Variants in PLXDC2 observed in about 807,000 individuals in gnomAD.
The protein encoded by PLXDC2 is plexin domain containing 2.
Under a neutral mutation model 68.9 loss-of-function variants are expected in PLXDC2, and 40 were observed. That is an observed-to-expected ratio of 0.58 (90% confidence interval 0.45 to 0.76). The LOEUF (loss-of-function observed/expected upper bound fraction) is 0.76, where lower values mean the gene tolerates loss of function less well. Ranked by LOEUF, PLXDC2 falls within the 30% of genes least tolerant of loss-of-function variation. The probability of loss-of-function intolerance (pLI) is 0.00; values close to 1 mark genes in which losing one functional copy is unlikely to be tolerated. For synonymous variants in PLXDC2, 243 were observed against 234.2 expected, an observed-to-expected ratio of 1.04 and a Z score of -0.34; for missense variants, 644 against 661.9, an observed-to-expected ratio of 0.97 and a Z score of 0.30.
chr10:20,035,723 A>T (rs1488323516), intron 2 of PLXDC2, among the ~76,000 whole-genome samples: 2 of 152,102 alleles, frequency 1.3e-5, no homozygotes, highest in Non-Finnish European at 2.9e-5. Flanking sequence ...ATTTTAAAAA[A>T]GTATATGTTT....
chr10:20,046,053 G>GA, intron 2 of PLXDC2, among the ~76,000 whole-genome samples: 1 of 152,040 alleles, frequency 6.6e-6, no homozygotes. Context: ...CAAATTAAAG[G>GA]AAAAAATATA....
intron 1 of PLXDC2, among the ~76,000 whole-genome samples, chr10:19,971,519 C>A (rs1265619843): frequency 6.6e-6 from 1 of 151,836 alleles, no homozygotes; most frequent in African/African-American, 2.4e-5. Flanking sequence ...CATTGTGTAC[C>A]CTGGTGAGTA....
intron 9 of PLXDC2, among the ~76,000 whole-genome samples, chr10:20,198,795 G>T (rs976520251): frequency 1.3e-5 from 2 of 151,964 alleles, no homozygotes; most frequent in South Asian, 2.1e-4. Flanking sequence ...ATTTTACTTT[G>T]CATTCATATG....
At chr10:20,208,517 G>A (rs905393808) in intron 9 of PLXDC2, among the ~76,000 whole-genome samples, 1 of 152,118 alleles carries the variant, frequency 6.6e-6, no homozygotes, top group African/African-American at 2.4e-5. Context: ...TGGGGACACA[G>A]CCAAAGTATA....
intron 1 of PLXDC2, among the ~76,000 whole-genome samples, chr10:19,919,358 T>G (rs953571977): frequency 6.6e-6 from 1 of 152,112 alleles, no homozygotes; most frequent in South Asian, 2.1e-4. Flanking sequence ...TTATCTTGCA[T>G]GTAGGCACTT....
chr10:19,834,516 A>C (rs1836754509), intron 1 of PLXDC2, among the ~76,000 whole-genome samples: 1 of 152,206 alleles, frequency 6.6e-6, no homozygotes, highest in South Asian at 2.1e-4. Flanking sequence ...TATACCACCT[A>C]TGCCACCATT....
intron 1 of PLXDC2, among the ~76,000 whole-genome samples, chr10:19,995,148 A>G (rs893204254): frequency 3.3e-5 from 5 of 152,176 alleles, no homozygotes; most frequent in Admixed American, 3.3e-4. Flanking sequence ...CTATTTTGAG[A>G]CATCTCTGTA....
chr10:20,022,377 G>C (rs1317906146), intron 2 of PLXDC2, among the ~76,000 whole-genome samples: 2 of 152,086 alleles, frequency 1.3e-5, no homozygotes, highest in African/African-American at 4.8e-5. Context: ...AAAGAAAATG[G>C]GTGCAGAGAC....
At chr10:20,144,107 G>C (rs985850093) in intron 5 of PLXDC2, among the ~76,000 whole-genome samples, 1 of 152,106 alleles carries the variant, frequency 6.6e-6, no homozygotes. Flanking sequence ...ATTGAAAGCT[G>C]TAACTTTGGT....
intron 2 of PLXDC2, among the ~76,000 whole-genome samples, chr10:20,037,891 C>T (rs1010565224): frequency 4.6e-5 from 7 of 152,092 alleles, no homozygotes; most frequent in Admixed American, 4.6e-4. Context: ...AGTATTCTGA[C>T]CTTACAGTAA....
chr10:19,995,799 C>G (rs12781897), intron 1 of PLXDC2, among the ~76,000 whole-genome samples: 25,290 of 152,122 alleles, frequency 0.17, 2,471 homozygotes, highest in Non-Finnish European at 0.23. Context: ...TCAATTAGCT[C>G]TACCTGGGGG....
intron 12 of PLXDC2, among the ~76,000 whole-genome samples, chr10:20,244,645 A>T (rs80004663): frequency 0.11 from 16,850 of 152,280 alleles, 1,038 homozygotes; most frequent in African/African-American, 0.15. Context: ...TCTTTAATTT[A>T]AAATTTCCAA....
At chr10:19,921,617 G>A (rs966702824) in intron 1 of PLXDC2, among the ~76,000 whole-genome samples, 1 of 152,148 alleles carries the variant, frequency 6.6e-6, no homozygotes, top group East Asian at 1.9e-4. Flanking sequence ...TTTCCCCATC[G>A]AAAACTCTGT....
At chr10:20,154,406 A>G (rs1834191564) in intron 6 of PLXDC2, among the ~76,000 whole-genome samples, 1 of 152,042 alleles carries the variant, frequency 6.6e-6, no homozygotes, top group Non-Finnish European at 1.5e-5. Flanking sequence ...TCTACTAAAA[A>G]TACAAAAATT....
chr10:19,835,987 CA>C (rs934506016), intron 1 of PLXDC2, among the ~76,000 whole-genome samples: 1 of 151,934 alleles, frequency 6.6e-6, no homozygotes, highest in Non-Finnish European at 1.5e-5. Context: ...GCCTGGGCAA[CA>C]AAGTGAGACC....
intron 1 of PLXDC2, among the ~76,000 whole-genome samples, chr10:19,887,458 G>A (rs1190180546): frequency 6.6e-6 from 1 of 152,106 alleles, no homozygotes; most frequent in Non-Finnish European, 1.5e-5. Flanking sequence ...GGAGGCAGAG[G>A]TTGCAGTGAG....
intron 4 of PLXDC2, among the ~76,000 whole-genome samples, chr10:20,083,204 G>A (rs993605660): frequency 6.6e-6 from 1 of 152,014 alleles, no homozygotes; most frequent in African/African-American, 2.4e-5. Context: ...GGCCGGGCGG[G>A]GTGGCTCACA....
At chr10:20,019,215 T>A (rs534321953) in intron 2 of PLXDC2, among the ~76,000 whole-genome samples, 32 of 152,242 alleles carry the variant, frequency 2.1e-4, no homozygotes, top group Non-Finnish European at 4.4e-4. Context: ...CAATAACTGG[T>A]AGAATTTCTT....
chr10:19,920,371 T>C (rs1833440020), intron 1 of PLXDC2, among the ~76,000 whole-genome samples: 2 of 152,210 alleles, frequency 1.3e-5, no homozygotes, highest in Admixed American at 1.3e-4. Context: ...ACCCCCATCC[T>C]GTGCCTATAA....
Sources: allele counts gnomAD v4.1 joint callset (sites outside exome capture counted in the v4.1 genomes callset), GRCh38; gene constraint gnomAD v4.1.1; transcripts MANE v1.5; gene names NCBI Gene and HGNC (gene_info 2026-07-23, HGNC 2026-07-21).